Variants in SRPK1 observed in about 807,000 individuals in gnomAD.
The protein encoded by SRPK1 is SFRS protein kinase 1.
Under a neutral mutation model 89.5 loss-of-function variants are expected in SRPK1, and 52 were observed. The ratio of observed to expected loss-of-function variants is 0.58; its 90% CI spans 0.46 to 0.73. The LOEUF (loss-of-function observed/expected upper bound fraction) is 0.73. SRPK1 is among the 30% of genes least tolerant of loss of function. SRPK1 has a pLI of 0.00. For synonymous variants in SRPK1, 255 were observed against 270.2 expected, an observed-to-expected ratio of 0.94 and a Z score of 0.55; for missense variants, 603 against 780.6, an observed-to-expected ratio of 0.77 and a Z score of 2.71.
intron 2 of SRPK1, among the ~76,000 whole-genome samples, chr6:35,904,691 C>A (rs577957970): frequency 6.6e-6 from 1 of 151,806 alleles, no homozygotes; most frequent in African/African-American, 2.4e-5. Flanking sequence ...CCCAGCTACT[C>A]GGGAGGCTAA....
At chr6:35,851,371 A>T (rs1415726939) in intron 13 of SRPK1, among the ~76,000 whole-genome samples, 2 of 151,856 alleles carry the variant, frequency 1.3e-5, no homozygotes, top group Non-Finnish European at 2.9e-5. Flanking sequence ...ACAGGGTTTC[A>T]CCAGGTTGGC....
intron 2 of SRPK1, among the ~76,000 whole-genome samples, chr6:35,893,302 T>C (rs1561989956): frequency 6.6e-6 from 1 of 152,086 alleles, no homozygotes; most frequent in Non-Finnish European, 1.5e-5. Context: ...CTGGGAAACA[T>C]GGTGAAACCT....
chr6:35,838,536 T>C lies in SRPK1; in HGVS notation c.1691-107A>G, dbSNP rs140489021. 117 of 1,312,152 alleles carry C rather than the reference T, an allele frequency of 8.9e-5. No homozygotes were observed. The East Asian group carries it at 2.8e-3, about 32-fold the overall frequency. The allele number at this position is 1,312,152 out of a possible 1,614,324, so 81.3% of individuals were successfully genotyped here. A position where few individuals can be genotyped will look rare whatever the true frequency, so the allele number is the denominator to read the frequency against. On this transcript the variant is annotated intron_variant, in intron 14 of 15. Transcript: ENST00000373825. ...AAGGAGCAGCATGCACATCTCTTTG[T>C]AAAGCCTATCAGGCTTACTTTCTAT... is the stretch of plus-strand genomic sequence containing the variant.
At position 35,888,126 on chromosome 6, in the gene SRPK1, C is replaced by A; in HGVS notation, c.303-15G>T. 1 of 1,590,398 alleles carries A rather than the reference C, an allele frequency of 6.3e-7. No homozygotes were observed. The highest frequency in any genetic ancestry group is 1.8e-5 in the Admixed American group (1 of 56,792). The stretch of plus-strand genomic sequence containing the variant: ...ATTTCTTCCCCCTAAGAAACAAACA[C>A]AGGCAATTAAGACTACATAGCCTAC... On this transcript the variant is annotated splice_polypyrimidine_tract_variant and intron_variant, in intron 4 of 15. Transcript: ENST00000373825.
At chr6:35,915,800 G>A (rs1003952198) in intron 2 of SRPK1, among the ~76,000 whole-genome samples, 7 of 151,534 alleles carry the variant, frequency 4.6e-5, no homozygotes, top group Non-Finnish European at 5.9e-5. Flanking sequence ...GTGAAATCCC[G>A]TCTCTACTAA....
chr6:35,911,219 A>G (rs1770954009), intron 2 of SRPK1, among the ~76,000 whole-genome samples: 1 of 152,238 alleles, frequency 6.6e-6, no homozygotes, highest in Admixed American at 6.5e-5. Flanking sequence ...AAAAATATCA[A>G]CATTAACAGG....
rs772316433 is a variant in SRPK1, at chr6:35,870,927, T to C, written c.777+7A>G. 2.5e-5 allele frequency: 40 copies of C among 1,604,564 alleles called. No homozygotes were observed. The Admixed American group carries it at 3.4e-4, about 14-fold the overall frequency. The stretch of plus-strand genomic sequence containing the variant: ...CAAAATTAAATATAAAAACACCTTA[T>C]ACTTACTGGTTTAGGCTGGGGAGCA... On this transcript the variant is annotated splice_region_variant and intron_variant, in intron 9 of 15. Transcript: ENST00000373825.
At chr6:35,864,888 T>C (rs1450085470) in intron 12 of SRPK1, among the ~76,000 whole-genome samples, 2 of 152,272 alleles carry the variant, frequency 1.3e-5, no homozygotes, top group African/African-American at 4.8e-5. Context: ...ATTTACAACA[T>C]GGATGGAACT....
At chr6:35,846,937 T>C (rs1238754543) in intron 13 of SRPK1, among the ~76,000 whole-genome samples, 1 of 152,236 alleles carries the variant, frequency 6.6e-6, no homozygotes, top group African/African-American at 2.4e-5. Context: ...AAAATGCATG[T>C]GACAAAATTC....
intron 2 of SRPK1, among the ~76,000 whole-genome samples, chr6:35,901,798 T>C (rs1186717230): frequency 6.6e-6 from 1 of 152,250 alleles, no homozygotes; most frequent in Non-Finnish European, 1.5e-5. Context: ...AAGATTTTTT[T>C]CTTTTGCAAA....
At chr6:35,903,854 T>C (rs1246734013) in intron 2 of SRPK1, among the ~76,000 whole-genome samples, 1 of 152,208 alleles carries the variant, frequency 6.6e-6, no homozygotes, top group Non-Finnish European at 1.5e-5. Context: ...CTGTCCAGGT[T>C]GGAGTACAGT....
intron 12 of SRPK1, among the ~76,000 whole-genome samples, chr6:35,859,822 A>G (rs1449127047): frequency 6.6e-6 from 1 of 151,748 alleles, no homozygotes; most frequent in Non-Finnish European, 1.5e-5. Flanking sequence ...ATGTGCCAGC[A>G]TGTTTGCTGA....
At chr6:35,896,486 G>A (rs935448959) in intron 2 of SRPK1, among the ~76,000 whole-genome samples, 1 of 152,208 alleles carries the variant, frequency 6.6e-6, no homozygotes, top group African/African-American at 2.4e-5. Flanking sequence ...CTTACACATC[G>A]CTGGTGGGAA....
chr6:35,866,412 C>T (rs948912879), intron 12 of SRPK1, among the ~76,000 whole-genome samples: 5 of 152,082 alleles, frequency 3.3e-5, no homozygotes, highest in African/African-American at 2.4e-5. Context: ...GGTGAAACCC[C>T]GTCTCTACTA....
chr6:35,842,614 AAAG>A lies in SRPK1; in HGVS notation c.1621-13_1621-11del, dbSNP rs1270833850. 2 of 1,602,378 alleles carry A rather than the reference AAAG, an allele frequency of 1.2e-6. No individual in the cohort carries two copies. The highest frequency in any genetic ancestry group is 2.7e-5 in the African/African-American group (2 of 74,204). On this transcript the variant is annotated splice_polypyrimidine_tract_variant and intron_variant, in intron 13 of 15. Coordinates refer to ENST00000373825, the MANE Select transcript of SRPK1 (RefSeq NM_003137.5). Reference sequence around the variant, plus strand: ...TGGCCAGTTCAAAGGCCTAAAAAAAAAAGAGGACAGTATATGAAAGCACAAAAG... The same window carrying A: ...TGGCCAGTTCAAAGGCCTAAAAAAAAAGGACAGTATATGAAAGCACAAAAG...
chr6:35,881,965 A>G (rs376876233), intron 6 of SRPK1, among the ~76,000 whole-genome samples: 1 of 151,566 alleles, frequency 6.6e-6, no homozygotes, highest in African/African-American at 2.4e-5. Context: ...AAGATGGATG[A>G]TGGTAATGAC....
chr6:35,879,966 CAGG>C (rs1372834994), intron 6 of SRPK1, among the ~76,000 whole-genome samples: 2 of 150,792 alleles, frequency 1.3e-5, no homozygotes, highest in African/African-American at 2.4e-5. Flanking sequence ...GAGGCTTAGG[CAGG>C]AGAAGTACTT....
At chr6:35,867,630 A>G (rs1458540259) in intron 12 of SRPK1, among the ~76,000 whole-genome samples, 1 of 152,178 alleles carries the variant, frequency 6.6e-6, no homozygotes, top group Non-Finnish European at 1.5e-5. Flanking sequence ...GGCCTGGCCA[A>G]CATGGTGAAA....
intron 6 of SRPK1, among the ~76,000 whole-genome samples, chr6:35,880,623 G>A (rs892000415): frequency 6.7e-6 from 1 of 150,034 alleles, no homozygotes; most frequent in African/African-American, 2.5e-5. Context: ...TTGGGAGGCT[G>A]AGGCAGGAGA....
Sources: gnomAD v4.1 joint callset for allele counts (sites outside exome capture counted in the v4.1 genomes callset) on GRCh38, gnomAD v4.1.1 for gene constraint, MANE v1.5 for transcripts, NCBI Gene and HGNC (gene_info 2026-07-23, HGNC 2026-07-21) for gene names.